ATG5: variants seen among roughly 807,000 people sequenced by gnomAD.
ATG5 encodes the protein autophagy protein 5.
In ATG5, 14 loss-of-function variants were observed where a neutral mutation model predicts 36.5. The ratio of observed to expected loss-of-function variants is 0.38; its 90% confidence interval spans 0.25 to 0.60. ATG5 has a LOEUF of 0.60. ATG5 is among the 20% of genes least tolerant of loss of function. ATG5 has a pLI of 0.60. For synonymous variants in ATG5, 95 were observed against 101.5 expected (o/e 0.94, Z 0.38); for missense variants, 195 against 326.7 (o/e 0.60, Z 3.11).
intron 5 of ATG5, among the ~76,000 whole-genome samples, chr6:106,252,030 G>A (rs936769389): frequency 3.3e-5 from 5 of 151,982 alleles, no homozygotes; most frequent in East Asian, 3.9e-4. Context: ...TAGTAGAGAC[G>A]GGATTTCACC....
At chr6:106,204,939 T>C (rs1776577300) in intron 6 of ATG5, among the ~76,000 whole-genome samples, 1 of 152,166 alleles carries the variant, frequency 6.6e-6, no homozygotes. Context: ...AATCAAGTGA[T>C]TAACTGTGTA....
chr6:106,235,173 T>A (rs1277183462), intron 6 of ATG5, among the ~76,000 whole-genome samples: 1 of 152,174 alleles, frequency 6.6e-6, no homozygotes, highest in Non-Finnish European at 1.5e-5. Context: ...GCAGCTCTAA[T>A]ATTGATACTC....
chr6:106,188,716 TAGCACTG>T (rs1482002788), intron 7 of ATG5, among the ~76,000 whole-genome samples: 1 of 152,208 alleles, frequency 6.6e-6, no homozygotes, highest in Non-Finnish European at 1.5e-5. Context: ...CCTGAATAAG[TAGCACTG>T]ATTCTCTGGT....
At chr6:106,253,365 T>C (rs986784326) in intron 5 of ATG5, among the ~76,000 whole-genome samples, 2 of 152,182 alleles carry the variant, frequency 1.3e-5, no homozygotes, top group Admixed American at 6.5e-5. Flanking sequence ...CTTCATCCTG[T>C]CCATAAACAC....
chr6:106,248,267 T>C, intron 5 of ATG5, 23 bp from the exon 6 acceptor site: 1 of 1,530,490 alleles, frequency 6.5e-7, no homozygotes, highest in South Asian at 1.1e-5. Flanking sequence ...AAATTATTTG[T>C]TATTAAAAAT....
intron 6 of ATG5, among the ~76,000 whole-genome samples, chr6:106,241,744 A>C (rs1199519148): frequency 6.6e-6 from 1 of 152,190 alleles, no homozygotes. Context: ...TTGAGCAAGA[A>C]AGAATTCAGG....
At chr6:106,194,137 A>G (rs2114323792) in intron 7 of ATG5, among the ~76,000 whole-genome samples, 1 of 152,342 alleles carries the variant, frequency 6.6e-6, no homozygotes, top group South Asian at 2.1e-4. Flanking sequence ...CAGAGATACT[A>G]GTTCCTTCTA....
intron 6 of ATG5, among the ~76,000 whole-genome samples, chr6:106,218,420 G>A (rs1045632622): frequency 3.9e-5 from 6 of 152,078 alleles, no homozygotes; most frequent in Admixed American, 2.0e-4. Flanking sequence ...AATATTTAAC[G>A]TGAACATTTT....
chr6:106,211,345 G>GTGCT (rs1776844026), intron 6 of ATG5, among the ~76,000 whole-genome samples: 1 of 152,208 alleles, frequency 6.6e-6, no homozygotes, highest in Non-Finnish European at 1.5e-5. Flanking sequence ...ACGGATGGAG[G>GTGCT]TGCTGGGGGA....
At chr6:106,235,182 T>G (rs1777847157) in intron 6 of ATG5, among the ~76,000 whole-genome samples, 1 of 152,138 alleles carries the variant, frequency 6.6e-6, no homozygotes, top group Admixed American at 6.5e-5. Flanking sequence ...ATATTGATAC[T>G]CCTCTTTGGA....
chr6:106,213,162 C>A (rs1776919294), intron 6 of ATG5, among the ~76,000 whole-genome samples: 1 of 152,180 alleles, frequency 6.6e-6, no homozygotes, highest in Admixed American at 6.5e-5. Context: ...CAGAAATCTT[C>A]ATTCATTACA....
chr6:106,235,804 T>C (rs570440729), intron 6 of ATG5, among the ~76,000 whole-genome samples: 162 of 146,812 alleles, frequency 1.1e-3, no homozygotes, highest in African/African-American at 4.0e-3. Flanking sequence ...CTATTAAATA[T>C]TGCAACTGCA....
intron 6 of ATG5, among the ~76,000 whole-genome samples, chr6:106,243,640 G>T (rs1337547425): frequency 6.6e-6 from 1 of 151,252 alleles, no homozygotes; most frequent in East Asian, 1.9e-4. Context: ...AGACCAGCCT[G>T]ACCAATATGG....
At chr6:106,229,892 A>G (rs1442305079) in intron 6 of ATG5, among the ~76,000 whole-genome samples, 1 of 152,268 alleles carries the variant, frequency 6.6e-6, no homozygotes, top group Non-Finnish European at 1.5e-5. Flanking sequence ...AAGTCAAAAA[A>G]GCAAAAAGGT....
chr6:106,197,997 A>C (rs1384440995), intron 7 of ATG5, among the ~76,000 whole-genome samples: 1 of 152,246 alleles, frequency 6.6e-6, no homozygotes, highest in Non-Finnish European at 1.5e-5. Flanking sequence ...TATCAGCAAT[A>C]AAAACGATTA....
intron 6 of ATG5, among the ~76,000 whole-genome samples, chr6:106,247,243 CATT>C (rs1434841145): frequency 6.6e-6 from 1 of 152,098 alleles, no homozygotes; most frequent in African/African-American, 2.4e-5. Flanking sequence ...AAGCCTGTGA[CATT>C]ATGCTTCTGG....
At chr6:106,198,473 C>T (rs1776289627) in intron 7 of ATG5, among the ~76,000 whole-genome samples, 1 of 151,986 alleles carries the variant, frequency 6.6e-6, no homozygotes, top group Admixed American at 6.6e-5. Context: ...TGCTTTTATC[C>T]TTCAAAAGAA....
chr6:106,266,188 A>G (rs1455120417), intron 5 of ATG5, among the ~76,000 whole-genome samples: 1 of 152,222 alleles, frequency 6.6e-6, no homozygotes, highest in Non-Finnish European at 1.5e-5. Flanking sequence ...TCACAAAAAT[A>G]CAAACCACCA....
Position 106,308,365 on chromosome 6 carries a change from A to G in ATG5, c.235T>C (p.Trp79Arg). Residue 79 changes from tryptophan to arginine, a missense_variant and splice_region_variant, in exon 3 of 8, where the codon TGG becomes CGG. By Grantham distance (101) the Trp-to-Arg change is moderately radical (BLOSUM62 -3). Transcript: ENST00000369076. Reference sequence around the variant, plus strand: ...AATAATGCAGAAAAATTCACTCACCATTTCAGTGGTGTGCCTTCATATTCA... The same window carrying G: ...AATAATGCAGAAAAATTCACTCACCGTTTCAGTGGTGTGCCTTCATATTCA... ...WFEYEGTPLK[W>R]HYPIGLLFDL... 1 of 1,559,890 alleles carries G rather than the reference A, an allele frequency of 6.4e-7. No homozygotes were observed. Among genetic ancestry groups the G allele is most frequent in the Non-Finnish European group, 8.6e-7 (1 of 1,159,060 alleles).
Sources: allele counts gnomAD v4.1 joint callset (sites outside exome capture counted in the v4.1 genomes callset), GRCh38; gene constraint gnomAD v4.1.1; transcripts MANE v1.5; gene names NCBI Gene and HGNC (gene_info 2026-07-23, HGNC 2026-07-21).